The following CLIC2 variants were observed in gnomAD, a reference collection of about 807,000 sequenced individuals.
CLIC2 encodes CLIC family member 2.
CLIC2 carries 9 observed loss-of-function variants against 14.8 expected under a neutral mutation model. The ratio of observed to expected loss-of-function variants is 0.61; its 90% CI spans 0.37 to 1.06. The LOEUF (loss-of-function observed/expected upper bound fraction) is 1.06. CLIC2 is among the 50% of genes least tolerant of loss of function. CLIC2 has a pLI of 0.01. For synonymous variants in CLIC2, 61 were observed against 66.3 expected, an observed-to-expected ratio of 0.92 and a Z score of 0.39; for missense variants, 148 against 181.4, an observed-to-expected ratio of 0.82 and a Z score of 1.06.
At chrX:155,298,392 A>C (rs947874480) in intron 3 of CLIC2, among the ~76,000 whole-genome samples, 1 of 111,420 alleles carries the variant, frequency 9.0e-6, no homozygotes, top group Admixed American at 9.6e-5. Flanking sequence ...CTTGAAGTCT[A>C]TGTCCTGGCC....
chrX:155,298,608 T>G (rs900037238), intron 3 of CLIC2, among the ~76,000 whole-genome samples, 177 bp downstream of exon 3: 3 of 112,545 alleles, frequency 2.7e-5, no homozygotes, highest in African/African-American at 9.7e-5. Context: ...TTTGAAATAT[T>G]ACACATATCA....
intron 1 of CLIC2, among the ~76,000 whole-genome samples, chrX:155,299,840 T>C (rs1309692488): frequency 2.9e-5 from 3 of 104,051 alleles, no homozygotes; most frequent in South Asian, 4.6e-4. Flanking sequence ...GGTTTTTTGT[T>C]CTTGCGATAG....
chrX:155,292,622 T>G (rs1472039304), intron 3 of CLIC2: 18 of 242,498 alleles, frequency 7.4e-5, no homozygotes, highest in Admixed American at 2.0e-4. Flanking sequence ...TACAAAAAAT[T>G]AGCCGGGCGT....
chrX:155,325,789 TATA>T (rs1299594041), intron 1 of CLIC2, among the ~76,000 whole-genome samples: 16 of 87,483 alleles, frequency 1.8e-4, no homozygotes, highest in Non-Finnish European at 2.7e-4. Flanking sequence ...TATATATATA[TATA>T]TATATATATA....
intron 3 of CLIC2, chrX:155,293,110 T>C (rs2074980472): frequency 1.1e-5 from 7 of 614,848 alleles, no homozygotes; most frequent in African/African-American, 2.2e-5. Context: ...CGAAGATGGT[T>C]GAGGTGATGA....
chrX:155,282,033 G>A (rs2074921681), intron 3 of CLIC2, among the ~76,000 whole-genome samples: 2 of 111,141 alleles, frequency 1.8e-5, no homozygotes, highest in Non-Finnish European at 3.8e-5. Flanking sequence ...TCCACATGAT[G>A]TGATCCCACC....
intron 1 of CLIC2, among the ~76,000 whole-genome samples, chrX:155,301,453 G>A (rs1390741206): frequency 1.8e-5 from 2 of 110,327 alleles, no homozygotes; most frequent in African/African-American, 6.6e-5. Context: ...TGCTGAAGTT[G>A]CTTATCAGCT....
chrX:155,290,517 A>T, intron 3 of CLIC2: 1 of 564,162 alleles, frequency 1.8e-6, no homozygotes, highest in Non-Finnish European at 3.2e-6. Context: ...CCATTACAAC[A>T]TCCATAGTTG....
chrX:155,281,384 G>A (rs939320751), intron 3 of CLIC2, among the ~76,000 whole-genome samples: 1 of 110,114 alleles, frequency 9.1e-6, no homozygotes, highest in Non-Finnish European at 1.9e-5. Flanking sequence ...ACTATATGAA[G>A]CGATGGATAT....
chrX:155,320,658 C>A (rs1459841775), intron 1 of CLIC2, among the ~76,000 whole-genome samples: 5 of 111,717 alleles, frequency 4.5e-5, no homozygotes, highest in African/African-American at 1.6e-4. Context: ...CTCTTCTCCT[C>A]CAAAGTATCA....
intron 3 of CLIC2, among the ~76,000 whole-genome samples, chrX:155,286,358 C>G (rs1437487476): frequency 8.9e-6 from 1 of 112,258 alleles, no homozygotes; most frequent in African/African-American, 3.2e-5. Flanking sequence ...TATGTACCAC[C>G]TTTTCTTTAT....
At position 155,281,039 on chromosome X, in the gene CLIC2, A is replaced by T. The variant is rs181709824; in HGVS notation, c.294-971T>A. ...TGTAATAGAATATTAATCAGCCTTA[A>T]AAAGAATGAAATCCTGTCATTTGCA... On this transcript the variant is annotated intron_variant, in intron 3 of 5. Transcript: ENST00000369449. Among the ~76,000 whole-genome samples, 293 of 105,024 alleles carry T rather than the reference A, an allele frequency of 2.8e-3. 1 individual carries two copies. The highest frequency in any genetic ancestry group is 9.4e-3 in the African/African-American group (271 of 28,752). 91.2% of individuals were successfully genotyped at this position (105,024 alleles called of 115,157 possible).
At chrX:155,314,141 G>A (rs1172455179) in intron 1 of CLIC2, among the ~76,000 whole-genome samples, 2 of 110,552 alleles carry the variant, frequency 1.8e-5, no homozygotes, top group African/African-American at 6.6e-5. Flanking sequence ...TCTCTTGGGA[G>A]CTCTATGGCT....
At chrX:155,329,372 T>G (rs1180210894) in intron 1 of CLIC2, among the ~76,000 whole-genome samples, 1 of 108,354 alleles carries the variant, frequency 9.2e-6, no homozygotes, top group Non-Finnish European at 1.9e-5. Context: ...TCATTGATCA[T>G]CAGAGAAATT....
chrX:155,320,673 T>G (rs2075111081), intron 1 of CLIC2, among the ~76,000 whole-genome samples: 1 of 111,327 alleles, frequency 9.0e-6, no homozygotes, highest in Non-Finnish European at 1.9e-5. Context: ...GTATCACAAC[T>G]CCTCGCTAGC....
intron 3 of CLIC2, among the ~76,000 whole-genome samples, chrX:155,283,465 A>C (rs1438984514): frequency 9.0e-6 from 1 of 111,449 alleles, no homozygotes; most frequent in Non-Finnish European, 1.9e-5. Context: ...GTTCTAGGGT[A>C]CATGTGCACA....
intron 1 of CLIC2, among the ~76,000 whole-genome samples, chrX:155,307,496 A>G (rs1310145007): frequency 6.3e-5 from 7 of 111,787 alleles, no homozygotes; most frequent in African/African-American, 2.3e-4. Context: ...TGCTTTTCAA[A>G]AGAATTATTA....
chrX:155,282,526 G>C (rs1459991601), intron 3 of CLIC2, among the ~76,000 whole-genome samples: 1 of 110,797 alleles, frequency 9.0e-6, no homozygotes, highest in Non-Finnish European at 1.9e-5. Context: ...CACAGACTTG[G>C]GCAGTAGGCC....
intron 1 of CLIC2, among the ~76,000 whole-genome samples, chrX:155,324,255 A>T (rs1398766147): frequency 1.8e-5 from 2 of 112,184 alleles, no homozygotes; most frequent in Non-Finnish European, 3.8e-5. Flanking sequence ...TTTCATATGG[A>T]ACCAATAAAG....
Sources: gnomAD v4.1 joint callset for allele counts (sites outside exome capture counted in the v4.1 genomes callset) on GRCh38, gnomAD v4.1.1 for gene constraint, MANE v1.5 for transcripts, NCBI Gene and HGNC (gene_info 2026-07-23, HGNC 2026-07-21) for gene names.